DUSP8: variants seen among roughly 807,000 people sequenced by gnomAD.
DUSP8 encodes dual specificity phosphatase 8, also known as dual specificity protein phosphatase 8.
Under a neutral mutation model 38.7 loss-of-function variants are expected in DUSP8, and 15 were observed. The observed-to-expected ratio is 0.39, with a 90% CI of 0.26 to 0.60. The LOEUF (loss-of-function observed/expected upper bound fraction) is 0.60. Among genes scored for constraint, DUSP8 ranks in the 20% least tolerant of loss-of-function variants. DUSP8 has a pLI of 0.56. For missense variants in DUSP8, 768 were observed against 915.0 expected (o/e 0.84, Z 2.07); for synonymous variants, 458 against 433.9 (o/e 1.06, Z -0.69).
chr11:1,572,433 G>A (rs980902051), upstream of DUSP8, among the ~76,000 whole-genome samples: 6 of 150,004 alleles, frequency 4.0e-5, no homozygotes, highest in South Asian at 2.1e-4. This position sits in a 1 kb window ranked among gnomAD's most constrained non-coding sequence, Gnocchi z 4.7. Flanking sequence ...CTGCCGCGGG[G>A]GGGGGGCGGG....
At chr11:1,571,222 C>G (rs1848886528) in intron 1 of DUSP8, 3 of 152,258 alleles carry the variant, frequency 2.0e-5, no homozygotes. Flanking sequence ...GCAGCTGGGC[C>G]TAGCGAGGTG....
At chr11:1,572,346 C>T (rs890568286), upstream of DUSP8, among the ~76,000 whole-genome samples, 4 of 149,410 alleles carry the variant, frequency 2.7e-5, no homozygotes, top group East Asian at 2.0e-4. The surrounding 1 kb of genome is among the most constrained non-coding windows in gnomAD (Gnocchi z 4.7). Flanking sequence ...CCTGACGTCA[C>T]CTGCAGCCAA....
chr11:1,557,202 G>A lies in DUSP8; in HGVS notation c.1194C>T (p.Ile398=). ...NRLKRSFSLD[I]KSAYAPSRRP... is the part of the protein sequence containing the mutation. The stretch of plus-strand genomic sequence containing the variant: ...GCCTGCTAGGGGCGTAGGCAGACTT[G>A]ATGTCCAGGGAGAAGGAGCGCTTGA... Residue 398 remains isoleucine, a synonymous_variant, in exon 7 of 7, where the codon ATC becomes ATT. Coordinates refer to ENST00000397374, the MANE Select transcript of DUSP8 (RefSeq NM_004420.3). The surrounding 1 kb of genome is among the most constrained non-coding windows in gnomAD (Gnocchi z 9.9). 7 of 1,491,474 alleles carry A rather than the reference G, an allele frequency of 4.7e-6. No individual in the cohort carries two copies. Among genetic ancestry groups the A allele is most frequent in the Non-Finnish European group, 6.2e-6 (7 of 1,123,628 alleles). 92.4% of individuals were successfully genotyped at this position (1,491,474 alleles called of 1,614,324 possible). A position where few individuals can be genotyped will look rare whatever the true frequency, so the allele number is the denominator to read the frequency against.
In DUSP8 at chr11:1,557,891, C is replaced by T. The variant is rs1350004291; in HGVS notation, c.724G>A (p.Val242Ile). Residue 242 changes from valine (V) to isoleucine (I), a missense_variant, in exon 6 of 7, where the codon GTC becomes ATC. Coordinates refer to ENST00000397374, the MANE Select transcript of DUSP8 (RefSeq NM_004420.3). The surrounding 1 kb of genome is among the most constrained non-coding windows in gnomAD (Gnocchi z 9.9). The part of the protein sequence containing the change: ...IDKAKLSSCQ[V>I]IVHCLAGISR... ...ATGCCAGCCAGACAGTGGACGATGA[C>T]TTGGCAGCTGGAGAGCTTGGCTTTA... 6.2e-7 allele frequency: 1 copy of T among 1,614,004 alleles called. No individual in the cohort carries two copies.
rs905201895 is a variant in DUSP8, at chr11:1,571,907, C to T, written c.-115G>A. Reference sequence around the variant, plus strand: ...CGCCGGCGCCTCCGCTCACCTCGCTCGCGCTCGCCTCGGGGGCGCTCCGGG... The same window carrying T: ...CGCCGGCGCCTCCGCTCACCTCGCTTGCGCTCGCCTCGGGGGCGCTCCGGG... On this transcript the variant is annotated 5_prime_UTR_variant, in exon 1 of 7. Transcript: ENST00000397374. 6.8e-6 allele frequency: 1 copy of T among 146,344 alleles called. No homozygotes were observed. The highest frequency in any genetic ancestry group is 1.5e-5 in the Non-Finnish European group (1 of 65,866). 9.1% of individuals were successfully genotyped at this position (146,344 alleles called of 1,614,324 possible). A position where few individuals can be genotyped will look rare whatever the true frequency, so the allele number is the denominator to read the frequency against.
Position 1,556,895 on chromosome 11 carries a change from G to A in DUSP8, c.1501C>T (p.Gln501Ter), listed in dbSNP as rs1848635137. ...LSAPGLPGPG[Q>*]PAGPGAWAPP... ...GCCCAGGCCCCGGGGCCGGCCGGCT[G>A]GCCAGGGCCGGGCAGCCCGGGCGCC... The change falls in exon 7 of 7, where the codon CAG (glutamine) becomes TAG (stop). Residue 501 changes from glutamine (Q) to a stop codon, truncating the protein, a stop_gained. Transcript: ENST00000397374. LOFTEE classifies it high-confidence loss of function. The surrounding 1 kb of genome is among the most constrained non-coding windows in gnomAD (Gnocchi z 5.2). 14 of 1,093,106 alleles carry A rather than the reference G, an allele frequency of 1.3e-5. No homozygotes were observed. The highest frequency in any genetic ancestry group is 1.4e-5 in the Non-Finnish European group (13 of 900,674). 67.7% of individuals were successfully genotyped at this position (1,093,106 alleles called of 1,614,324 possible).
chr11:1,557,063 C>T lies in DUSP8; in HGVS notation c.1333G>A (p.Ala445Thr), dbSNP rs1057207549. 2.5e-6 allele frequency: 3 copies of T among 1,202,112 alleles called. No individual in the cohort carries two copies. The highest frequency in any genetic ancestry group is 3.1e-6 in the Non-Finnish European group (3 of 967,670). 74.5% of individuals were successfully genotyped at this position (1,202,112 alleles called of 1,614,324 possible). ...GGCCGTGGGCGCGCCTCAGGCGCGGCGTCCGGGCTGTCCGGGCTGGGCGAG... is the reference window on the plus strand; with the variant it reads ...GGCCGTGGGCGCGCCTCAGGCGCGGTGTCCGGGCTGTCCGGGCTGGGCGAG... The part of the protein sequence containing the change: ...LSSPSPDSPD[A>T]APEARPRPRR... The change falls in exon 7 of 7, where the codon GCC becomes ACC. Residue 445 changes from alanine (A) to threonine (T), a missense_variant. Physicochemically the swap from Ala to Thr is moderately conservative, Grantham distance 58. Transcript: ENST00000397374. This position sits in a 1 kb window ranked among gnomAD's most constrained non-coding sequence, Gnocchi z 9.9.
chr11:1,558,322 G>T lies in DUSP8; in HGVS notation c.538-51C>A. The stretch of plus-strand genomic sequence containing the variant: ...AAAGGGGTGGGAGAAGCTCGGGGCG[G>T]GAGTGAAGGTGGAGGCTTTTCCTGC... On this transcript the variant is annotated intron_variant, in intron 4 of 6. Coordinates refer to ENST00000397374, the MANE Select transcript of DUSP8 (RefSeq NM_004420.3). The surrounding 1 kb of genome is among the most constrained non-coding windows in gnomAD (Gnocchi z 6.3). The T allele has an allele frequency of 7.4e-7, 1 of 1,357,254 alleles. No homozygotes were observed. Among genetic ancestry groups the T allele is most frequent in the Non-Finnish European group, 1.0e-6 (1 of 982,930 alleles). The allele number at this position is 1,357,254 out of a possible 1,614,324, so 84.1% of individuals were successfully genotyped here.
rs534452918 is a variant in DUSP8 at position 1,557,696 on chromosome 11, C to T, written c.821+98G>A. The T allele has an allele frequency of 9.5e-6, 15 of 1,576,762 alleles. No individual in the cohort carries two copies. Among genetic ancestry groups the T allele is most frequent in the African/African-American group, 1.3e-5 (1 of 74,416 alleles). ...GGTCTCAGGCCCTCCTCCCTTGCCA[C>T]GGGTCCTGGACGGTGGGGTCATTCT... is the stretch of plus-strand genomic sequence containing the variant. On this transcript the variant is annotated intron_variant, in intron 6 of 6. Coordinates refer to ENST00000397374, the MANE Select transcript of DUSP8 (RefSeq NM_004420.3). The surrounding 1 kb of genome is among the most constrained non-coding windows in gnomAD (Gnocchi z 9.9).
At position 1,554,313 on chromosome 11, in the gene DUSP8, G is replaced by A. The variant is rs1048624768; in HGVS notation, c.*2205C>T. The A allele has an allele frequency of 2.0e-5, 3 of 152,406 alleles. No homozygotes were observed. Among genetic ancestry groups the A allele is most frequent in the Non-Finnish European group, 2.9e-5 (2 of 68,218 alleles). The allele number at this position is 152,406 out of a possible 1,614,324, so 9.4% of individuals were successfully genotyped here. On this transcript the variant is annotated 3_prime_UTR_variant, in exon 7 of 7. Transcript: ENST00000397374. The stretch of plus-strand genomic sequence containing the variant: ...GGCCAGGTGGGAGGGGCCGGAGAGA[G>A]GCTTGGAGAGGACTCAGGGCTGGGT...
At chr11:1,562,133 TCCACGC>T (rs1848726144) in intron 3 of DUSP8, among the ~76,000 whole-genome samples, 1 of 152,008 alleles carries the variant, frequency 6.6e-6, no homozygotes, top group African/African-American at 2.4e-5. Context: ...CCCATACTCA[TCCACGC>T]CCACCTGCAC....
chr11:1,557,650 C>G lies in DUSP8; in HGVS notation c.822-76G>C. On this transcript the variant is annotated intron_variant, in intron 6 of 6. Coordinates refer to ENST00000397374, the MANE Select transcript of DUSP8 (RefSeq NM_004420.3). The surrounding 1 kb of genome is among the most constrained non-coding windows in gnomAD (Gnocchi z 9.9). ...ACCTGACGCACCCGCTGGGCACCCACGAGCTCATGTGCGCCAGGCTGGTCT... is the reference window on the plus strand; with the variant it reads ...ACCTGACGCACCCGCTGGGCACCCAGGAGCTCATGTGCGCCAGGCTGGTCT... The G allele has an allele frequency of 6.5e-7, 1 of 1,528,522 alleles. No homozygotes were observed. Among genetic ancestry groups the G allele is most frequent in the Non-Finnish European group, 8.8e-7 (1 of 1,138,944 alleles). The allele number at this position is 1,528,522 out of a possible 1,614,324, so 94.7% of individuals were successfully genotyped here. A position where few individuals can be genotyped will look rare whatever the true frequency, so the allele number is the denominator to read the frequency against.
At chr11:1,569,473 G>T (rs1259991518) in intron 1 of DUSP8, among the ~76,000 whole-genome samples, 1 of 152,098 alleles carries the variant, frequency 6.6e-6, no homozygotes, top group Non-Finnish European at 1.5e-5. Flanking sequence ...ACCCACGCGT[G>T]AATATGTGCA....
In DUSP8 at chr11:1,563,926, G is replaced by A; in HGVS notation, c.295C>T (p.Leu99=). ...YDQSTRDASV[L]AADSFLSILL... ...ATGGAGAGGAAGCTGTCTGCGGCCA[G>A]CACGCTGGCGTCCCGCGTGCTCTGG... Residue 99 remains leucine (L), a synonymous_variant, in exon 3 of 7, where the codon CTG becomes TTG. Transcript: ENST00000397374. 1 of 1,546,164 alleles carries A rather than the reference G, an allele frequency of 6.5e-7. No homozygotes were observed. The highest frequency in any genetic ancestry group is 8.7e-7 in the Non-Finnish European group (1 of 1,144,594).
rs770485803 is a variant in DUSP8, at chr11:1,557,437, G to C, written c.959C>G (p.Pro320Arg). 3 of 1,563,316 alleles carry C rather than the reference G, an allele frequency of 1.9e-6. No homozygotes were observed. Among genetic ancestry groups the C allele is most frequent in the Admixed American group, 1.9e-5 (1 of 53,522 alleles). Residue 320 changes from proline to arginine, a missense_variant, in exon 7 of 7, where the codon CCG becomes CGG. Coordinates refer to ENST00000397374, the MANE Select transcript of DUSP8 (RefSeq NM_004420.3). The surrounding 1 kb of genome is among the most constrained non-coding windows in gnomAD (Gnocchi z 9.9). ...CGGGGCCCCGGCGGCAGGACTGGGC[G>C]GAGGCTCCGGCGTCCCTGAGGGGGT... Reference protein sequence around the residue: ...PGTPSGTPEPPPSPAAGAPLP... With the variant: ...PGTPSGTPEPRPSPAAGAPLP...
rs773418051 is a variant in DUSP8 at position 1,557,544 on chromosome 11, C to T, written c.852G>A (p.Ser284=). ...GCTGGCCCAGGAAGTTGAAGTTGGG[C>T]GAGATGGACGGGCGCCTGTCCTTCA... ...RFVKDRRPSI[S]PNFNFLGQLL... is the part of the protein sequence containing the mutation. The change falls in exon 7 of 7, where the codon TCG becomes TCA. Residue 284 remains serine (S), a synonymous_variant. Coordinates refer to ENST00000397374, the MANE Select transcript of DUSP8 (RefSeq NM_004420.3). The surrounding 1 kb of genome is among the most constrained non-coding windows in gnomAD (Gnocchi z 9.9). 2.5e-5 allele frequency: 39 copies of T among 1,590,190 alleles called. No individual in the cohort carries two copies. The highest frequency in any genetic ancestry group is 6.7e-5 in the East Asian group (3 of 44,462).
chr11:1,557,863 G>T lies in DUSP8; in HGVS notation c.752C>A (p.Ser251Tyr). 1 of 1,614,012 alleles carries T rather than the reference G, an allele frequency of 6.2e-7. No homozygotes were observed. Among genetic ancestry groups the T allele is most frequent in the Non-Finnish European group, 8.5e-7 (1 of 1,180,030 alleles). Residue 251 changes from serine (S) to tyrosine (Y), a missense_variant, in exon 6 of 7, where the codon TCC becomes TAC. Ser to Tyr is a moderately radical substitution (Grantham distance 144). Transcript: ENST00000397374. The surrounding 1 kb of genome is among the most constrained non-coding windows in gnomAD (Gnocchi z 9.9). ...GGCGATGGCGATGGTGGCAGAGCGG[G>T]AGATGCCAGCCAGACAGTGGACGAT... ...QVIVHCLAGI[S>Y]RSATIAIAYI...
In DUSP8 at chr11:1,558,828, T is replaced by A; in HGVS notation, c.537+61A>T. On this transcript the variant is annotated intron_variant, in intron 4 of 6. Transcript: ENST00000397374. This position sits in a 1 kb window ranked among gnomAD's most constrained non-coding sequence, Gnocchi z 6.3. The stretch of plus-strand genomic sequence containing the variant: ...CTCATCCCCCGCTCCGCTGCCAAGC[T>A]GCTTCTGGAGCTCCTGCCCCTTTCC... 1.3e-6 allele frequency: 2 copies of A among 1,536,582 alleles called. No individual in the cohort carries two copies. The highest frequency in any genetic ancestry group is 8.8e-7 in the Non-Finnish European group (1 of 1,137,602).
chr11:1,565,299 A>G (rs1564935999), intron 2 of DUSP8, among the ~76,000 whole-genome samples: 1 of 152,144 alleles, frequency 6.6e-6, no homozygotes, highest in African/African-American at 2.4e-5. Flanking sequence ...CTGGCCACAC[A>G]GTCCTATCTG....
Sources: allele counts gnomAD v4.1 joint callset (sites outside exome capture counted in the v4.1 genomes callset), GRCh38; gene constraint gnomAD v4.1.1; non-coding constraint Gnocchi (gnomAD v3.1); transcripts MANE v1.5; gene names NCBI Gene and HGNC (gene_info 2026-07-23, HGNC 2026-07-21).